Variants in WWP1 observed in about 807,000 individuals in gnomAD.
WWP1 encodes the protein NEDD4-like E3 ubiquitin-protein ligase WWP1.
WWP1 carries 49 observed loss-of-function variants against 130.6 expected under a neutral mutation model. The observed-to-expected ratio is 0.38, with a 90% CI of 0.30 to 0.48. The LOEUF (loss-of-function observed/expected upper bound fraction) is 0.48, where lower values mean the gene tolerates loss of function less well. WWP1 is among the 20% of genes least tolerant of loss of function. The probability of loss-of-function intolerance (pLI) is 0.99; values close to 1 mark genes in which losing one functional copy is unlikely to be tolerated. For missense variants in WWP1, 809 were observed against 1,100.6 expected (o/e 0.74, Z 3.75); for synonymous variants, 332 against 367.8 (o/e 0.90, Z 1.11).
At position 86,424,024 on chromosome 8, in the gene WWP1, C is replaced by T. The variant is rs866638502; in HGVS notation, c.1062-1199C>T. 2.0e-3 allele frequency among the ~76,000 whole-genome samples: 272 copies of T among 134,862 alleles called. 4 individuals carry two copies. Among genetic ancestry groups the T allele is most frequent in the Non-Finnish European group, 3.0e-3 (188 of 62,082 alleles). The allele number at this position is 134,862 out of a possible 152,430, so 88.5% of individuals were successfully genotyped here. On this transcript the variant is annotated intron_variant, in intron 9 of 24. Coordinates refer to ENST00000517970, the MANE Select transcript of WWP1 (RefSeq NM_007013.4). ...CCTCCCGGACGGGGCAGCTGCCGGG[C>T]GGAGACGCTCCTCACTTCCCAGACG...
intron 1 of WWP1, among the ~76,000 whole-genome samples, chr8:86,362,629 T>C (rs752496220): frequency 3.4e-4 from 51 of 152,070 alleles, no homozygotes; most frequent in Non-Finnish European, 5.4e-4. Flanking sequence ...CCAAATCTGT[T>C]TGATGACCAA....
At chr8:86,426,403 C>T (rs1220898985) in intron 10 of WWP1, among the ~76,000 whole-genome samples, 1 of 152,146 alleles carries the variant, frequency 6.6e-6, no homozygotes, top group Non-Finnish European at 1.5e-5. Context: ...AAGGAGTTTA[C>T]AATCATTTTA....
Position 86,441,605 on chromosome 8 carries a change from C to A in WWP1, c.1839-1014C>A, listed in dbSNP as rs543760095. On this transcript the variant is annotated intron_variant, in intron 17 of 24. Transcript: ENST00000517970. ...CCTGCAATCCTGCCTTCTCATGTGG[C>A]GTCAGTGGGCTGAATCAGAGTTGTT... Among the ~76,000 whole-genome samples, 325 of 129,430 alleles carry A rather than the reference C, an allele frequency of 2.5e-3. 1 individual carries two copies. The highest frequency in any genetic ancestry group is 0.01 in the African/African-American group (316 of 31,280). 84.9% of individuals were successfully genotyped at this position (129,430 alleles called of 152,430 possible).
intron 9 of WWP1, among the ~76,000 whole-genome samples, chr8:86,422,136 C>A (rs975600897): frequency 1.3e-5 from 2 of 152,062 alleles, no homozygotes; most frequent in Non-Finnish European, 2.9e-5. Flanking sequence ...TCACAAAATA[C>A]ACATTTGTAA....
intron 3 of WWP1, among the ~76,000 whole-genome samples, chr8:86,378,509 T>G (rs936111475): frequency 6.6e-6 from 1 of 152,116 alleles, no homozygotes; most frequent in East Asian, 1.9e-4. Flanking sequence ...AAAATACTTA[T>G]ATAACCTTAG....
rs1316121173 is a variant in WWP1 at position 86,398,646 on chromosome 8, AT to A, written c.539+12del. On this transcript the variant is annotated intron_variant, in intron 7 of 24. Coordinates refer to ENST00000517970, the MANE Select transcript of WWP1 (RefSeq NM_007013.4). ...AGCAAGGACAACTGCCAGGTAGAAT[AT>A]TTTATTTGAATATGGGTGGCGACAT... The A allele has an allele frequency of 1.2e-6, 2 of 1,611,334 alleles. No individual in the cohort carries two copies. Among genetic ancestry groups the A allele is most frequent in the Non-Finnish European group, 1.7e-6 (2 of 1,179,506 alleles).
chr8:86,425,098 C>T, intron 9 of WWP1, 125 bp from the exon 10 acceptor site: 1 of 603,340 alleles, frequency 1.7e-6, no homozygotes, highest in African/African-American at 1.9e-5. Flanking sequence ...ATATATATAG[C>T]TGTGTGTGTG....
intron 21 of WWP1, among the ~76,000 whole-genome samples, chr8:86,457,425 G>GTCTATCTATCTATCTA (rs746203287): frequency 6.0e-5 from 9 of 150,542 alleles, no homozygotes; most frequent in African/African-American, 2.2e-4. Flanking sequence ...CTGTCTGTCT[G>GTCTATCTATCTATCTA]TCTGTCTATC....
chr8:86,389,023 A>C (rs1825453686), intron 5 of WWP1, among the ~76,000 whole-genome samples: 1 of 152,212 alleles, frequency 6.6e-6, no homozygotes, highest in South Asian at 2.1e-4. Context: ...ATATGCTTTG[A>C]TAACTTGCTT....
At chr8:86,383,613 G>A (rs372117754) in intron 5 of WWP1, among the ~76,000 whole-genome samples, 6 of 152,014 alleles carry the variant, frequency 3.9e-5, no homozygotes, top group South Asian at 2.1e-4. Context: ...GTGGTGGCAC[G>A]TGCCTGTAAT....
At position 86,398,495 on chromosome 8, in the gene WWP1, A is replaced by G. The variant is rs1232860608; in HGVS notation, c.472+16A>G. Reference sequence around the variant, plus strand: ...TCTCCAACCAGTAAGCTAACTTTATATGTTTGTAAAATTTCAAGGAAAAAG... The same window carrying G: ...TCTCCAACCAGTAAGCTAACTTTATGTGTTTGTAAAATTTCAAGGAAAAAG... On this transcript the variant is annotated intron_variant, in intron 6 of 24. Transcript: ENST00000517970. 4 of 1,609,890 alleles carry G rather than the reference A, an allele frequency of 2.5e-6. No individual in the cohort carries two copies. The highest frequency in any genetic ancestry group is 3.4e-6 in the Non-Finnish European group (4 of 1,178,620).
At chr8:86,357,020 G>A (rs1268400491) in intron 1 of WWP1, among the ~76,000 whole-genome samples, 1 of 152,124 alleles carries the variant, frequency 6.6e-6, no homozygotes, top group African/African-American at 2.4e-5. Flanking sequence ...TTGTATACAA[G>A]GATTGCAACT....
At chr8:86,408,991 T>C (rs567590265) in intron 8 of WWP1, among the ~76,000 whole-genome samples, 1 of 152,188 alleles carries the variant, frequency 6.6e-6, no homozygotes, top group Admixed American at 6.5e-5. Flanking sequence ...TTTGCTGAAA[T>C]GTTTTAGCTC....
intron 8 of WWP1, chr8:86,405,155 T>C (rs2130526598): frequency 6.6e-6 from 1 of 152,290 alleles, no homozygotes; most frequent in Non-Finnish European, 1.5e-5. Flanking sequence ...CCCTGTCCTT[T>C]TAAGGTGTTG....
intron 14 of WWP1, among the ~76,000 whole-genome samples, chr8:86,434,340 C>T (rs10108586): frequency 0.15 from 22,382 of 152,186 alleles, 1,801 homozygotes; most frequent in Non-Finnish European, 0.19. Flanking sequence ...CCTCATTCAC[C>T]GTGTTCTAGC....
chr8:86,380,134 T>C (rs1284691749), intron 3 of WWP1, among the ~76,000 whole-genome samples: 1 of 152,212 alleles, frequency 6.6e-6, no homozygotes, highest in African/African-American at 2.4e-5. Context: ...ATAGATAAAA[T>C]GTCATATACC....
intron 1 of WWP1, 29 bp downstream of exon 1, chr8:86,342,959 GT>G: frequency 3.3e-6 from 1 of 305,588 alleles, no homozygotes; most frequent in Non-Finnish European, 6.0e-6. Context: ...GGGGCTGGGG[GT>G]GCGAATGGGC....
chr8:86,456,710 C>A (rs1477003849), intron 21 of WWP1, among the ~76,000 whole-genome samples: 6 of 151,922 alleles, frequency 3.9e-5, no homozygotes, highest in Admixed American at 2.6e-4. Context: ...TGTTCATTAA[C>A]AAGTGAATGG....
intron 11 of WWP1, among the ~76,000 whole-genome samples, 173 bp downstream of exon 11, chr8:86,427,990 GATAT>G (rs1809727732): frequency 6.6e-6 from 1 of 151,406 alleles, no homozygotes; most frequent in Non-Finnish European, 1.5e-5. Flanking sequence ...TAGTGTTTCT[GATAT>G]ATATAAGTAC....
Sources: allele counts gnomAD v4.1 joint callset (sites outside exome capture counted in the v4.1 genomes callset), GRCh38; gene constraint gnomAD v4.1.1; transcripts MANE v1.5; gene names NCBI Gene and HGNC (gene_info 2026-07-23, HGNC 2026-07-21).